BPIFA2: variants seen among roughly 807,000 people sequenced by gnomAD.
BPIFA2 encodes the protein BPI fold-containing family A member 2.
In BPIFA2, 20 loss-of-function variants were observed where a neutral mutation model predicts 25.7. The observed-to-expected ratio is 0.78, with a 90% confidence interval of 0.55 to 1.13. BPIFA2 has a LOEUF of 1.13. BPIFA2 is among the 50% of genes most tolerant of loss of function. BPIFA2 has a pLI of 0.00. For missense variants in BPIFA2, 300 were observed against 298.1 expected (o/e 1.01, Z -0.05); for synonymous variants, 126 against 124.3 (o/e 1.01, Z -0.09).
At chr20:33,179,477 C>T in intron 6 of BPIFA2, 127 bp from the exon 7 acceptor site, 1 of 751,144 alleles carries the variant, frequency 1.3e-6, no homozygotes, top group East Asian at 2.5e-5. Flanking sequence ...TCCTAAGGTT[C>T]AAAGATTCTA....
upstream of BPIFA2, among the ~76,000 whole-genome samples, chr20:33,164,780 C>G (rs1045421503): frequency 6.6e-6 from 1 of 152,132 alleles, no homozygotes; most frequent in Non-Finnish European, 1.5e-5. Flanking sequence ...CGAAGGTGAA[C>G]GAAGACAAGG....
rs894417652 is a variant in BPIFA2, at chr20:33,175,406, G to T, written c.411-1G>T. 1.2e-6 allele frequency: 2 copies of T among 1,613,446 alleles called. No homozygotes were observed. Among genetic ancestry groups the T allele is most frequent in the Non-Finnish European group, 1.7e-6 (2 of 1,179,700 alleles). On this transcript the variant is annotated splice_acceptor_variant, in intron 4 of 8. Coordinates refer to ENST00000354932, the MANE Select transcript of BPIFA2 (RefSeq NM_080574.4). LOFTEE classifies it high-confidence loss of function. ...TTCACTGTGCATCTTACTTCCTGCA[G>T]GCCCATCATTGGCCAGATTATCAAC...
At chr20:33,166,094 G>A (rs1438627187), upstream of BPIFA2, among the ~76,000 whole-genome samples, 3 of 152,130 alleles carry the variant, frequency 2.0e-5, no homozygotes, top group East Asian at 5.8e-4. Context: ...TTGGCTCACT[G>A]CAACATCCAC....
upstream of BPIFA2, among the ~76,000 whole-genome samples, chr20:33,166,585 C>T (rs1388396570): frequency 3.3e-5 from 5 of 152,168 alleles, no homozygotes; most frequent in Admixed American, 6.5e-5. Context: ...CAGCAAGGTG[C>T]GGTCTCTGGC....
intron 5 of BPIFA2, among the ~76,000 whole-genome samples, chr20:33,177,752 T>C (rs1446977260): frequency 6.6e-6 from 1 of 152,138 alleles, no homozygotes; most frequent in Non-Finnish European, 1.5e-5. Context: ...GAGCCAACTT[T>C]GGCAAGATTT....
In BPIFA2 at chr20:33,169,195, CCTCAGAGT is replaced by C; in HGVS notation, c.54_61del (p.Glu19SerfsTer2). The C allele has an allele frequency of 1.2e-6, 2 of 1,614,108 alleles. No individual in the cohort carries two copies. Among genetic ancestry groups the C allele is most frequent in the Non-Finnish European group, 1.7e-6 (2 of 1,179,940 alleles). On this transcript the variant is annotated frameshift_variant, in exon 2 of 9. Transcript: ENST00000354932. LOFTEE classifies it high-confidence loss of function. ...CTCCTGTGCGGCGTGCTCACTGGGACCTCAGAGTCTCTTCTTGACAATCTTGGCAATGA... is the reference window on the plus strand; with the variant it reads ...CTCCTGTGCGGCGTGCTCACTGGGACCTCTTCTTGACAATCTTGGCAATGA...
At chr20:33,171,262 A>G (rs1443914148) in intron 2 of BPIFA2, among the ~76,000 whole-genome samples, 1 of 152,058 alleles carries the variant, frequency 6.6e-6, no homozygotes, top group African/African-American at 2.4e-5. Flanking sequence ...TTTTTTTCTA[A>G]TTCTGTGAAG....
chr20:33,169,609 A>G (rs886309322), intron 2 of BPIFA2, among the ~76,000 whole-genome samples: 1 of 152,258 alleles, frequency 6.6e-6, no homozygotes, highest in Non-Finnish European at 1.5e-5. Context: ...ACAGTCTACG[A>G]AAGTGCCTTT....
chr20:33,170,390 G>A (rs1489572706), intron 2 of BPIFA2, among the ~76,000 whole-genome samples: 1 of 151,934 alleles, frequency 6.6e-6, no homozygotes, highest in African/African-American at 2.4e-5. Context: ...TTATTTTCAT[G>A]AGCATCATCC....
At chr20:33,178,101 C>T in intron 5 of BPIFA2, 46 bp from the exon 6 acceptor site, 4 of 1,477,202 alleles carry the variant, frequency 2.7e-6, no homozygotes, top group Middle Eastern at 1.7e-4. Context: ...GTTCTCCCAT[C>T]TCTTGCCCAC....
At chr20:33,165,187 G>A (rs1280464304), upstream of BPIFA2, among the ~76,000 whole-genome samples, 4 of 152,228 alleles carry the variant, frequency 2.6e-5, no homozygotes, top group South Asian at 2.1e-4. Context: ...GGACAGTAAC[G>A]TGTGAACAGG....
rs1421885444 is a variant in BPIFA2 at position 33,179,241 on chromosome 20, C to A, written c.646-363C>A. ...GGTCAGGAGTTCAAGACCAGCCTGG[C>A]TAACATGGTGAAACCCTGTCTCTAC... On this transcript the variant is annotated intron_variant, in intron 6 of 8. Transcript: ENST00000354932. 4.0e-5 allele frequency among the ~76,000 whole-genome samples: 6 copies of A among 151,862 alleles called. No homozygotes were observed. In the East Asian group the frequency reaches 1.2e-3, roughly 29 times the overall value.
upstream of BPIFA2, among the ~76,000 whole-genome samples, chr20:33,166,392 G>A (rs906093508): frequency 1.3e-5 from 2 of 152,158 alleles, no homozygotes; most frequent in Admixed American, 6.6e-5. Flanking sequence ...TCAAACCATC[G>A]TAAGCCGGGA....
intron 2 of BPIFA2, among the ~76,000 whole-genome samples, chr20:33,170,726 A>T (rs2146451615): frequency 6.6e-6 from 1 of 152,316 alleles, no homozygotes; most frequent in African/African-American, 2.4e-5. Flanking sequence ...TGTTCTCCAG[A>T]GACCTATCAT....
chr20:33,163,197 T>C (rs991239154), upstream of BPIFA2, among the ~76,000 whole-genome samples: 2 of 152,310 alleles, frequency 1.3e-5, no homozygotes, highest in African/African-American at 4.8e-5. Context: ...GGAAGGACTC[T>C]TCTTGTGATT....
At chr20:33,180,732 A>G (rs756551935) in intron 8 of BPIFA2, 135 bp downstream of exon 8, 7 of 672,648 alleles carry the variant, frequency 1.0e-5, no homozygotes, top group South Asian at 3.8e-5. Context: ...CCCCCATCCC[A>G]GGCTAGGCCC....
intron 2 of BPIFA2, among the ~76,000 whole-genome samples, chr20:33,170,819 C>T (rs6059142): frequency 0.029 from 4,423 of 152,206 alleles, 191 homozygotes; most frequent in African/African-American, 0.098. Context: ...AGTCTTTGCC[C>T]GTGCCTATGT....
upstream of BPIFA2, among the ~76,000 whole-genome samples, chr20:33,166,360 T>C (rs1207421184): frequency 6.6e-6 from 1 of 152,060 alleles, no homozygotes; most frequent in African/African-American, 2.4e-5. Flanking sequence ...AGTAAACCCA[T>C]AGTAAAGTTG....
chr20:33,171,069 T>A (rs779362249), intron 2 of BPIFA2, among the ~76,000 whole-genome samples: 1 of 152,206 alleles, frequency 6.6e-6, no homozygotes, highest in Non-Finnish European at 1.5e-5. Context: ...TTCTGAAGTT[T>A]CTGTTCTGTT....
Sources: allele counts gnomAD v4.1 joint callset (sites outside exome capture counted in the v4.1 genomes callset), GRCh38; gene constraint gnomAD v4.1.1; transcripts MANE v1.5; gene names NCBI Gene and HGNC (gene_info 2026-07-23, HGNC 2026-07-21).